Variants in OTUD7A observed in about 807,000 individuals in gnomAD.
The protein encoded by OTUD7A is OTU domain-containing protein 7A.
A neutral mutation model predicts 65.7 loss-of-function variants in OTUD7A; 12 were observed. The ratio of observed to expected loss-of-function variants is 0.18; its 90% CI spans 0.12 to 0.30. The LOEUF is 0.30. Among genes scored for constraint, OTUD7A ranks in the 10% least tolerant of loss-of-function variants. OTUD7A has a pLI of 1.00. For missense variants in OTUD7A, 1,148 were observed against 1,304.8 expected (o/e 0.88, Z 1.85); for synonymous variants, 641 against 586.3 (o/e 1.09, Z -1.35).
intron 1 of OTUD7A, among the ~76,000 whole-genome samples, chr15:31,691,895 G>GA (rs1189861213): frequency 2.4e-5 from 1 of 42,322 alleles, no homozygotes; most frequent in Non-Finnish European, 6.1e-5. Context: ...AATCTGATTA[G>GA]AAAATCAGCA....
At chr15:31,573,116 T>A (rs1179089937) in intron 3 of OTUD7A, among the ~76,000 whole-genome samples, 1 of 152,198 alleles carries the variant, frequency 6.6e-6, no homozygotes, top group Non-Finnish European at 1.5e-5. Context: ...GAGAATTTTT[T>A]AAATATGTAA....
chr15:31,838,395 G>C (rs1897105776), intron 1 of OTUD7A, among the ~76,000 whole-genome samples: 1 of 152,122 alleles, frequency 6.6e-6, no homozygotes, highest in South Asian at 2.1e-4. Flanking sequence ...CAGGGACCAA[G>C]CCAGAGACCA....
chr15:31,542,209 C>T (rs1888007415), intron 5 of OTUD7A, among the ~76,000 whole-genome samples: 1 of 151,868 alleles, frequency 6.6e-6, no homozygotes, highest in African/African-American at 2.4e-5. Context: ...GAGTCATACA[C>T]ACAAAATCAG....
At chr15:31,660,333 G>A (rs576158242) in intron 1 of OTUD7A, among the ~76,000 whole-genome samples, 3 of 152,182 alleles carry the variant, frequency 2.0e-5, no homozygotes, top group East Asian at 3.9e-4. Context: ...CTTGCCAGAC[G>A]CCATTGTGAC....
chr15:31,711,295 A>G (rs1482877726), intron 1 of OTUD7A, among the ~76,000 whole-genome samples: 1 of 152,154 alleles, frequency 6.6e-6, no homozygotes, highest in African/African-American at 2.4e-5. Context: ...TATTTCTATT[A>G]CAAAATCAGG....
intron 1 of OTUD7A, among the ~76,000 whole-genome samples, chr15:31,724,713 T>C (rs1893835911): frequency 6.6e-6 from 1 of 152,006 alleles, no homozygotes; most frequent in Non-Finnish European, 1.5e-5. Flanking sequence ...AGTGCTGGGG[T>C]CCTGAAACCA....
intron 1 of OTUD7A, among the ~76,000 whole-genome samples, chr15:31,858,574 T>G (rs1437530674): frequency 6.6e-6 from 1 of 152,068 alleles, no homozygotes; most frequent in Non-Finnish European, 1.5e-5. Flanking sequence ...AAGCAGGTGT[T>G]TGCTCTCACG....
At chr15:31,689,818 G>C (rs1394461400) in intron 1 of OTUD7A, among the ~76,000 whole-genome samples, 1 of 152,142 alleles carries the variant, frequency 6.6e-6, no homozygotes, top group Non-Finnish European at 1.5e-5. Context: ...CCAGGGGAGG[G>C]GACTGTGCTT....
At position 31,788,028 on chromosome 15, in the gene OTUD7A, T is replaced by C. The variant is rs375864833; in HGVS notation, c.-100+82479A>G. On this transcript the variant is annotated intron_variant, in intron 1 of 12. Coordinates refer to ENST00000307050, the MANE Select transcript of OTUD7A (RefSeq NM_001382637.1). ...TGTACACTCTCATAATTCTAAGTCA[T>C]TCCACAGTGCCAGACCCCACATGGC... 2.0e-5 allele frequency among the ~76,000 whole-genome samples: 3 copies of C among 152,328 alleles called. No homozygotes were observed. The East Asian group carries it at 5.8e-4, about 29-fold the overall frequency.
chr15:31,722,219 T>C (rs1247219287), intron 1 of OTUD7A, among the ~76,000 whole-genome samples: 1 of 152,086 alleles, frequency 6.6e-6, no homozygotes, highest in African/African-American at 2.4e-5. Context: ...TAGGATGAGC[T>C]CTGATTGGTA....
Position 31,607,041 on chromosome 15 carries a change from G to A in OTUD7A, c.152-36844C>T, listed in dbSNP as rs574651774. ...GACACTGGAATAACTAGGAAACATG[G>A]CAAAATATAAGAAAGAGATCTGTTT... is the stretch of plus-strand genomic sequence containing the variant. On this transcript the variant is annotated intron_variant, in intron 3 of 12. Transcript: ENST00000307050. 1.1e-4 allele frequency among the ~76,000 whole-genome samples: 17 copies of A among 152,268 alleles called. No homozygotes were observed. The South Asian group carries it at 3.5e-3, about 32-fold the overall frequency.
chr15:31,761,399 C>T (rs576556765), intron 1 of OTUD7A, among the ~76,000 whole-genome samples: 43 of 152,098 alleles, frequency 2.8e-4, no homozygotes, highest in African/African-American at 9.6e-4. Context: ...TACATAAAAC[C>T]AGTCAATAAT....
chr15:31,540,609 CATTAT>C (rs974055734), intron 5 of OTUD7A, among the ~76,000 whole-genome samples: 65 of 152,186 alleles, frequency 4.3e-4, no homozygotes, highest in African/African-American at 1.5e-3. Context: ...TTTTTATGAA[CATTAT>C]ATTATTTAAT....
At chr15:31,587,978 C>T (rs1339864644) in intron 3 of OTUD7A, among the ~76,000 whole-genome samples, 2 of 152,044 alleles carry the variant, frequency 1.3e-5, no homozygotes, top group African/African-American at 4.8e-5. Context: ...ACCTTTTTAT[C>T]TAAAATACCC....
rs117275954 is a variant in OTUD7A at position 31,682,401 on chromosome 15, T to C, written c.-99-25324A>G. On this transcript the variant is annotated intron_variant, in intron 1 of 12. Transcript: ENST00000307050. ...CACAGACAAGCTGATTCTAAATCTATATAGAAAGATAAACTAGATTAGCCA... is the reference window on the plus strand; with the variant it reads ...CACAGACAAGCTGATTCTAAATCTACATAGAAAGATAAACTAGATTAGCCA... 7.3e-3 allele frequency among the ~76,000 whole-genome samples: 1,114 copies of C among 152,210 alleles called. 37 individuals carry two copies. In the East Asian group the frequency reaches 0.11, roughly 15 times the overall value.
chr15:31,857,068 C>A (rs1897593520), intron 1 of OTUD7A, among the ~76,000 whole-genome samples: 1 of 152,192 alleles, frequency 6.6e-6, no homozygotes, highest in Admixed American at 6.5e-5. Context: ...CCTCATTCCA[C>A]AACATGGAAA....
chr15:31,789,011 G>A (rs1055136917), intron 1 of OTUD7A, among the ~76,000 whole-genome samples: 5 of 152,104 alleles, frequency 3.3e-5, no homozygotes, highest in Non-Finnish European at 5.9e-5. Flanking sequence ...TCTCTGGATT[G>A]TTGTCCTACA....
At chr15:31,664,042 ATATAC>A (rs1262757862) in intron 1 of OTUD7A, among the ~76,000 whole-genome samples, 1 of 152,176 alleles carries the variant, frequency 6.6e-6, no homozygotes, top group Non-Finnish European at 1.5e-5. Context: ...CATTGTATAA[ATATAC>A]TATAGTTTCT....
intron 1 of OTUD7A, among the ~76,000 whole-genome samples, chr15:31,664,832 G>A (rs1469576338): frequency 1.3e-5 from 2 of 152,128 alleles, no homozygotes; most frequent in African/African-American, 4.8e-5. Flanking sequence ...GTTGATTTTT[G>A]TATAAAGTGA....
Sources: allele counts gnomAD v4.1 joint callset (sites outside exome capture counted in the v4.1 genomes callset), GRCh38; gene constraint gnomAD v4.1.1; transcripts MANE v1.5; gene names NCBI Gene and HGNC (gene_info 2026-07-23, HGNC 2026-07-21).